DPYD: variants seen among roughly 807,000 people sequenced by gnomAD.
The protein encoded by DPYD is dihydropyrimidine dehydrogenase.
DPYD carries 109 observed loss-of-function variants against 116.2 expected under a neutral mutation model. The ratio of observed to expected loss-of-function variants is 0.94; its 90% confidence interval spans 0.80 to 1.10. DPYD has a LOEUF of 1.10. DPYD is among the 50% of genes least tolerant of loss of function. The pLI, the probability that DPYD is intolerant of heterozygous loss-of-function variation, is 0.00. For missense variants in DPYD, 1,302 were observed against 1,254.5 expected (o/e 1.04, Z -0.57); for synonymous variants, 440 against 432.0 (o/e 1.02, Z -0.23).
chr1:97,371,638 C>T (rs1196348535), intron 16 of DPYD, among the ~76,000 whole-genome samples: 1 of 152,178 alleles, frequency 6.6e-6, no homozygotes, highest in Non-Finnish European at 1.5e-5. Context: ...AATATTCTGC[C>T]TTCCCTTTAT....
chr1:97,219,924 A>G (rs1164775323), intron 19 of DPYD, among the ~76,000 whole-genome samples: 1 of 152,116 alleles, frequency 6.6e-6, no homozygotes, highest in Non-Finnish European at 1.5e-5. Context: ...ACCTCTGTTC[A>G]GTATGTCTTG....
intron 18 of DPYD, chr1:97,295,803 G>T (rs1666493025): frequency 5.2e-6 from 5 of 968,722 alleles, no homozygotes; most frequent in Admixed American, 1.2e-4. Context: ...GAAAACCAAG[G>T]TATTGCTTAG....
At chr1:97,361,586 C>T (rs1251389149) in intron 16 of DPYD, among the ~76,000 whole-genome samples, 1 of 152,208 alleles carries the variant, frequency 6.6e-6, no homozygotes, top group Non-Finnish European at 1.5e-5. Context: ...TCCAGCAGCA[C>T]ATCAAAAAGC....
chr1:97,090,097 A>G (rs1649799906), intron 21 of DPYD, among the ~76,000 whole-genome samples: 2 of 152,208 alleles, frequency 1.3e-5, no homozygotes, highest in African/African-American at 2.4e-5. Context: ...CCAATTTAAC[A>G]AAAGAATGAG....
chr1:97,292,390 C>G (rs1666254090), intron 18 of DPYD, among the ~76,000 whole-genome samples: 1 of 152,070 alleles, frequency 6.6e-6, no homozygotes, highest in South Asian at 2.1e-4. Context: ...CACGTGTTGG[C>G]AGCAAGGAGA....
chr1:97,726,204 G>A (rs1663248786), intron 4 of DPYD, among the ~76,000 whole-genome samples: 1 of 151,416 alleles, frequency 6.6e-6, no homozygotes, highest in Non-Finnish European at 1.5e-5. Flanking sequence ...TACATTCATA[G>A]GTTGAATTTT....
chr1:97,742,608 T>C lies in DPYD; in HGVS notation c.234-2129A>G, dbSNP rs75148812. On this transcript the variant is annotated intron_variant, in intron 3 of 22. Coordinates refer to ENST00000370192, the MANE Select transcript of DPYD (RefSeq NM_000110.4). ...GTTCAAAAATAATTTCTTCGAAGTA[T>C]AATCTGCAGCATACATTGCAAACAA... is the stretch of plus-strand genomic sequence containing the variant. Among the ~76,000 whole-genome samples, 1,036 of 152,252 alleles carry C rather than the reference T, an allele frequency of 6.8e-3. 10 individuals carry two copies. The highest frequency in any genetic ancestry group is 8.8e-3 in the Non-Finnish European group (598 of 68,000).
At chr1:97,248,273 T>C (rs922892322) in intron 18 of DPYD, among the ~76,000 whole-genome samples, 7 of 151,910 alleles carry the variant, frequency 4.6e-5, no homozygotes, top group African/African-American at 1.7e-4. Context: ...CAGTGGGAGG[T>C]GATTGGATTA....
intron 20 of DPYD, among the ~76,000 whole-genome samples, chr1:97,168,297 G>C (rs1364579743): frequency 6.6e-6 from 1 of 152,176 alleles, no homozygotes; most frequent in Non-Finnish European, 1.5e-5. Flanking sequence ...CTTGCTGGCA[G>C]CAGCTCTTCA....
chr1:97,622,955 G>A (rs1427849916), intron 8 of DPYD, among the ~76,000 whole-genome samples: 1 of 152,026 alleles, frequency 6.6e-6, no homozygotes, highest in African/African-American at 2.4e-5. Flanking sequence ...ATTTGCATAT[G>A]TGAAGTTGAG....
At chr1:97,454,196 A>G (rs1219264042) in intron 13 of DPYD, among the ~76,000 whole-genome samples, 1 of 151,994 alleles carries the variant, frequency 6.6e-6, no homozygotes, top group Non-Finnish European at 1.5e-5. Context: ...TTTGCCAAAA[A>G]CATTCTCCAC....
At position 97,891,717 on chromosome 1, in the gene DPYD, T is replaced by C. The variant is rs78746281; in HGVS notation, c.40-8343A>G. ...ATCACTAAATCTTAGGCCTAAAACA[T>C]TGGAGCTTCAGTATTATTCAAGAGC... On this transcript the variant is annotated intron_variant, in intron 1 of 22. Coordinates refer to ENST00000370192, the MANE Select transcript of DPYD (RefSeq NM_000110.4). Among the ~76,000 whole-genome samples, 1,410 of 151,948 alleles carry C rather than the reference T, an allele frequency of 9.3e-3. 30 individuals are homozygous for C. Among genetic ancestry groups the C allele is most frequent in the African/African-American group, 0.033 (1,352 of 41,540 alleles).
intron 11 of DPYD, among the ~76,000 whole-genome samples, chr1:97,560,264 A>C (rs1652047773): frequency 6.6e-6 from 1 of 152,214 alleles, no homozygotes; most frequent in Admixed American, 6.5e-5. Context: ...GAGTTACGTG[A>C]GAATCAAAAT....
chr1:97,206,462 G>A (rs1315705114), intron 19 of DPYD, among the ~76,000 whole-genome samples: 2 of 150,690 alleles, frequency 1.3e-5, no homozygotes, highest in African/African-American at 4.9e-5. Flanking sequence ...GTAAATATGG[G>A]GTCAGAAATT....
At chr1:97,285,085 C>T (rs1180420187) in intron 18 of DPYD, among the ~76,000 whole-genome samples, 8 of 152,178 alleles carry the variant, frequency 5.3e-5, no homozygotes, top group Non-Finnish European at 1.2e-4. Context: ...TGGGACTCTA[C>T]AAGACTAAAG....
chr1:97,118,525 A>G (rs1341578647), intron 20 of DPYD, among the ~76,000 whole-genome samples: 1 of 152,174 alleles, frequency 6.6e-6, no homozygotes, highest in Admixed American at 6.6e-5. Context: ...GGAACTGAGG[A>G]GGGCATCAAA....
At position 97,521,559 on chromosome 1, in the gene DPYD, T is replaced by C. The variant is rs555501784; in HGVS notation, c.1525-5618A>G. 2.7e-4 allele frequency among the ~76,000 whole-genome samples: 41 copies of C among 152,258 alleles called. 2 individuals are homozygous for C. Among genetic ancestry groups the C allele is most frequent in the African/African-American group, 9.6e-4 (40 of 41,546 alleles). ...TCTTCAGAGAATTAGAAAAAAGTAC[T>C]TTAAATTTCATATGGAACCAAAAAA... On this transcript the variant is annotated intron_variant, in intron 12 of 22. Transcript: ENST00000370192.
chr1:97,089,827 GTTTTTTTTTT>G (rs112112819), intron 21 of DPYD, among the ~76,000 whole-genome samples: 2,383 of 126,606 alleles, frequency 0.019, 65 homozygotes, highest in African/African-American at 0.064. Context: ...CATTTTGTTT[GTTTTTTTTTT>G]TTTTTTTTTT....
chr1:97,773,667 G>A (rs977691913), intron 3 of DPYD, among the ~76,000 whole-genome samples: 13 of 152,162 alleles, frequency 8.5e-5, no homozygotes, highest in African/African-American at 2.7e-4. Flanking sequence ...ATGGCAGAAC[G>A]ACACGGCCAT....
Sources: gnomAD v4.1 joint callset for allele counts (sites outside exome capture counted in the v4.1 genomes callset) on GRCh38, gnomAD v4.1.1 for gene constraint, MANE v1.5 for transcripts, NCBI Gene and HGNC (gene_info 2026-07-23, HGNC 2026-07-21) for gene names.